Variants in CDH12 observed in about 807,000 individuals in gnomAD.
The protein encoded by CDH12 is cadherin-12.
A neutral mutation model predicts 74.1 loss-of-function variants in CDH12; 41 were observed. The ratio of observed to expected loss-of-function variants is 0.55; its 90% CI spans 0.43 to 0.72. The LOEUF (loss-of-function observed/expected upper bound fraction) is 0.72, where lower values mean the gene tolerates loss of function less well. CDH12 is among the 30% of genes least tolerant of loss of function. The pLI, the probability that CDH12 is intolerant of heterozygous loss-of-function variation, is 0.00. For synonymous variants in CDH12, 399 were observed against 355.0 expected (o/e 1.12, Z -1.39); for missense variants, 945 against 977.2 (o/e 0.97, Z 0.44).
intron 5 of CDH12, among the ~76,000 whole-genome samples, chr5:22,072,173 C>A (rs183184417): frequency 6.6e-6 from 1 of 152,004 alleles, no homozygotes; most frequent in African/African-American, 2.4e-5. Flanking sequence ...AATTGCAATT[C>A]CATTAATATT....
intron 2 of CDH12, among the ~76,000 whole-genome samples, chr5:22,465,965 C>T (rs1745712971): frequency 6.6e-6 from 1 of 152,196 alleles, no homozygotes; most frequent in East Asian, 1.9e-4. Flanking sequence ...CCCACCAACA[C>T]TTTCTCATCA....
At chr5:21,952,230 G>A (rs1755896308) in intron 6 of CDH12, among the ~76,000 whole-genome samples, 1 of 152,116 alleles carries the variant, frequency 6.6e-6, no homozygotes, top group Non-Finnish European at 1.5e-5. Flanking sequence ...ACCTGAAGTA[G>A]GGAGGTGGAG....
intron 4 of CDH12, among the ~76,000 whole-genome samples, chr5:22,155,977 T>G (rs948348403): frequency 2.6e-5 from 4 of 152,132 alleles, no homozygotes; most frequent in Non-Finnish European, 5.9e-5. Context: ...TAGAGTCTGA[T>G]ATGGGAGGTT....
At chr5:22,326,384 C>T (rs1316275899) in intron 3 of CDH12, among the ~76,000 whole-genome samples, 2 of 152,010 alleles carry the variant, frequency 1.3e-5, no homozygotes, top group East Asian at 1.9e-4. Flanking sequence ...TACAGGCACC[C>T]GCAACCACGC....
intron 6 of CDH12, among the ~76,000 whole-genome samples, chr5:21,934,838 G>C (rs191468998): frequency 2.6e-5 from 4 of 152,044 alleles, no homozygotes; most frequent in South Asian, 2.1e-4. Flanking sequence ...CCAGGCTGGA[G>C]TGCAGTGGCG....
chr5:22,722,424 A>T (rs548600481), intron 1 of CDH12, among the ~76,000 whole-genome samples: 2 of 152,344 alleles, frequency 1.3e-5, no homozygotes, highest in South Asian at 4.1e-4. Flanking sequence ...GACTTAAACA[A>T]TAAAGAAAGA....
intron 3 of CDH12, among the ~76,000 whole-genome samples, chr5:22,364,268 G>A (rs914271495): frequency 2.6e-5 from 4 of 151,652 alleles, no homozygotes; most frequent in East Asian, 1.9e-4. Flanking sequence ...AAGAAGGGAA[G>A]TCCATGTGCC....
intron 1 of CDH12, among the ~76,000 whole-genome samples, chr5:22,733,735 A>G (rs1744550061): frequency 1.3e-5 from 2 of 151,944 alleles, no homozygotes; most frequent in African/African-American, 2.4e-5. Context: ...CTTGTTATTT[A>G]TTAAAGTGAG....
chr5:22,464,805 C>T (rs966549916), intron 2 of CDH12, among the ~76,000 whole-genome samples: 3 of 152,052 alleles, frequency 2.0e-5, no homozygotes, highest in African/African-American at 7.2e-5. Flanking sequence ...AATTGGACAT[C>T]AGCCTGGTTA....
At chr5:21,904,512 T>C (rs918212844) in intron 6 of CDH12, among the ~76,000 whole-genome samples, 1 of 152,174 alleles carries the variant, frequency 6.6e-6, no homozygotes, top group Non-Finnish European at 1.5e-5. Context: ...ATGATGTCTG[T>C]AATCCCAGCA....
chr5:22,011,730 T>G (rs143145792), intron 5 of CDH12, among the ~76,000 whole-genome samples: 1 of 152,118 alleles, frequency 6.6e-6, no homozygotes, highest in African/African-American at 2.4e-5. Context: ...TATGCAATTA[T>G]AAGGCACAAA....
chr5:22,161,339 C>A (rs6885163), intron 4 of CDH12, among the ~76,000 whole-genome samples: 15,495 of 151,990 alleles, frequency 0.1, 1,182 homozygotes, highest in African/African-American at 0.22. Flanking sequence ...TAACTCTGGA[C>A]ATTTAAAATA....
At chr5:22,555,654 T>G (rs1457687873) in intron 1 of CDH12, among the ~76,000 whole-genome samples, 1 of 152,062 alleles carries the variant, frequency 6.6e-6, no homozygotes, top group South Asian at 2.1e-4. Context: ...CGTGGTCATC[T>G]TCAATCATTG....
intron 9 of CDH12, among the ~76,000 whole-genome samples, chr5:21,807,251 C>T (rs11951955): frequency 0.66 from 100,697 of 151,928 alleles, 35,328 homozygotes; most frequent in Non-Finnish European, 0.78. Context: ...ACATCCCCAA[C>T]GAATCAGCAG....
At chr5:22,270,817 G>T (rs899995507) in intron 3 of CDH12, among the ~76,000 whole-genome samples, 6 of 151,758 alleles carry the variant, frequency 4.0e-5, no homozygotes, top group Admixed American at 6.6e-5. Context: ...GATTACAGGT[G>T]CCTGCTACTA....
In CDH12 at chr5:22,090,511, G is replaced by A. The variant is rs377585734; in HGVS notation, c.-186-11649C>T. ...CTCAAAAAAAAAAAAAAGAAGTTGA[G>A]GGAACATACCCTGACTTATTCTATG... On this transcript the variant is annotated intron_variant, in intron 4 of 14. Transcript: ENST00000382254. Among the ~76,000 whole-genome samples the A allele has an allele frequency of 4.7e-5, 7 of 148,382 alleles. No individual in the cohort carries two copies. In the East Asian group the frequency reaches 5.9e-4, roughly 13 times the overall value.
At chr5:21,913,329 AT>A (rs1239267242) in intron 6 of CDH12, among the ~76,000 whole-genome samples, 1 of 152,200 alleles carries the variant, frequency 6.6e-6, no homozygotes, top group East Asian at 1.9e-4. Context: ...TACAATAATC[AT>A]CACAATTTTT....
intron 5 of CDH12, among the ~76,000 whole-genome samples, chr5:22,029,437 C>G (rs545205097): frequency 6.6e-6 from 1 of 151,742 alleles, no homozygotes; most frequent in Non-Finnish European, 1.5e-5. Flanking sequence ...ACAACCCCAT[C>G]AAAAAGTGGG....
Position 22,853,144 on chromosome 5 carries a change from A to C in CDH12, c.-609T>G, listed in dbSNP as rs1053307277. ...AGCTCAGCCTTGCGCGGAAGGTGAG[A>C]CCCTTCTCTTCTGTTTCCCCTTTCC... is the stretch of plus-strand genomic sequence containing the variant. On this transcript the variant is annotated 5_prime_UTR_variant, in exon 1 of 15. Transcript: ENST00000382254. 4.6e-5 allele frequency: 7 copies of C among 152,316 alleles called. No homozygotes were observed. The highest frequency in any genetic ancestry group is 1.7e-4 in the African/African-American group (7 of 41,556). 9.4% of individuals were successfully genotyped at this position (152,316 alleles called of 1,614,324 possible). A position where few individuals can be genotyped will look rare whatever the true frequency, so the allele number is the denominator to read the frequency against.
Sources: gnomAD v4.1 joint callset for allele counts (sites outside exome capture counted in the v4.1 genomes callset) on GRCh38, gnomAD v4.1.1 for gene constraint, MANE v1.5 for transcripts, NCBI Gene and HGNC (gene_info 2026-07-23, HGNC 2026-07-21) for gene names.